AMPH: variants seen among roughly 807,000 people sequenced by gnomAD.
AMPH encodes amphiphysin (Stiff-Mann syndrome with breast cancer 128kD autoantigen).
A neutral mutation model predicts 99.1 loss-of-function variants in AMPH; 49 were observed. That is an observed-to-expected ratio of 0.49 (90% confidence interval 0.39 to 0.63). AMPH has a LOEUF of 0.63. AMPH is among the 20% of genes least tolerant of loss of function. The pLI is 0.00. For synonymous variants in AMPH, 314 were observed against 317.3 expected, an observed-to-expected ratio of 0.99 and a Z score of 0.11; for missense variants, 759 against 863.4, an observed-to-expected ratio of 0.88 and a Z score of 1.52.
At chr7:38,501,202 C>CT (rs140284419) in intron 3 of AMPH, among the ~76,000 whole-genome samples, 3,413 of 152,102 alleles carry the variant, frequency 0.022, 139 homozygotes, top group African/African-American at 0.077. Context: ...TTTTCTTTTC[C>CT]TTTTTTTGAA....
intron 17 of AMPH, among the ~76,000 whole-genome samples, chr7:38,415,077 A>G (rs377272081): frequency 6.6e-5 from 10 of 152,360 alleles, no homozygotes; most frequent in African/African-American, 2.2e-4. Flanking sequence ...ACATACCAGT[A>G]AAATTTGATG....
chr7:38,552,864 A>C (rs1203994653), intron 1 of AMPH, among the ~76,000 whole-genome samples: 1 of 152,148 alleles, frequency 6.6e-6, no homozygotes, highest in Non-Finnish European at 1.5e-5. Flanking sequence ...AATTAAATAA[A>C]ACTATCTGTG....
chr7:38,486,253 G>T (rs1398910798), intron 5 of AMPH, among the ~76,000 whole-genome samples: 2 of 150,130 alleles, frequency 1.3e-5, no homozygotes, highest in Admixed American at 1.3e-4. Flanking sequence ...AATGAAAGGT[G>T]ATATATTACA....
At chr7:38,538,786 C>T (rs981907636) in intron 1 of AMPH, among the ~76,000 whole-genome samples, 1 of 152,166 alleles carries the variant, frequency 6.6e-6, no homozygotes, top group Non-Finnish European at 1.5e-5. Context: ...TGAAGGATGA[C>T]CTCAGATTTC....
At chr7:38,615,867 C>T (rs752597286) in intron 1 of AMPH, among the ~76,000 whole-genome samples, 2 of 152,156 alleles carry the variant, frequency 1.3e-5, no homozygotes, top group Non-Finnish European at 2.9e-5. Flanking sequence ...GGGATCAGAG[C>T]CCAATGTCAG....
intron 1 of AMPH, among the ~76,000 whole-genome samples, chr7:38,598,665 G>A (rs1293113685): frequency 6.6e-6 from 1 of 152,020 alleles, no homozygotes; most frequent in African/African-American, 2.4e-5. Context: ...TATTTTATAG[G>A]TTTATCAGCC....
chr7:38,422,149 A>C (rs527285380), intron 16 of AMPH, among the ~76,000 whole-genome samples: 1 of 152,242 alleles, frequency 6.6e-6, no homozygotes, highest in South Asian at 2.1e-4. Context: ...ATGGAAATAT[A>C]CATGTCTTTA....
intron 3 of AMPH, among the ~76,000 whole-genome samples, chr7:38,500,858 A>C (rs1247344903): frequency 2.0e-5 from 3 of 152,196 alleles, no homozygotes; most frequent in Non-Finnish European, 1.5e-5. Context: ...ACTTCTTTGC[A>C]AATGTAAAAT....
At chr7:38,522,062 G>T (rs1411768976) in intron 2 of AMPH, among the ~76,000 whole-genome samples, 9 of 152,118 alleles carry the variant, frequency 5.9e-5, no homozygotes, top group Admixed American at 4.6e-4. Flanking sequence ...GGGATCTGTG[G>T]GGTCACTGCA....
At chr7:38,465,750 C>T (rs1316631108) in intron 8 of AMPH, among the ~76,000 whole-genome samples, 1 of 152,086 alleles carries the variant, frequency 6.6e-6, no homozygotes, top group Non-Finnish European at 1.5e-5. Context: ...CACGAGTAAA[C>T]TAAATATATA....
intron 17 of AMPH, among the ~76,000 whole-genome samples, chr7:38,398,779 T>G (rs571891755): frequency 2.0e-5 from 3 of 152,348 alleles, no homozygotes; most frequent in African/African-American, 7.2e-5. Flanking sequence ...GTCATATATC[T>G]GTATCAAAAT....
chr7:38,394,887 T>A (rs1784623570), intron 17 of AMPH, among the ~76,000 whole-genome samples: 1 of 152,228 alleles, frequency 6.6e-6, no homozygotes, highest in African/African-American at 2.4e-5. Context: ...AATTATTTCC[T>A]TCTTGCTTGC....
At chr7:38,418,381 C>A (rs1308271215) in intron 16 of AMPH, among the ~76,000 whole-genome samples, 1 of 152,014 alleles carries the variant, frequency 6.6e-6, no homozygotes, top group Non-Finnish European at 1.5e-5. Flanking sequence ...TCTAGGAGGA[C>A]CCACAATTAC....
chr7:38,623,770 C>T (rs1326322199), intron 1 of AMPH, among the ~76,000 whole-genome samples: 1 of 152,130 alleles, frequency 6.6e-6, no homozygotes, highest in East Asian at 1.9e-4. Flanking sequence ...AATATTTCTC[C>T]TTGAGAACAA....
intron 7 of AMPH, among the ~76,000 whole-genome samples, chr7:38,468,211 G>A (rs1393374446): frequency 6.6e-6 from 1 of 152,188 alleles, no homozygotes; most frequent in Non-Finnish European, 1.5e-5. Flanking sequence ...ATAGCCAAAA[G>A]TTAGCATCTC....
intron 1 of AMPH, among the ~76,000 whole-genome samples, chr7:38,580,952 G>A (rs1474600212): frequency 1.3e-5 from 2 of 151,984 alleles, no homozygotes; most frequent in African/African-American, 4.8e-5. Context: ...GTTTAGACTG[G>A]GTTAAGCCTA....
intron 1 of AMPH, among the ~76,000 whole-genome samples, chr7:38,537,934 C>T (rs1790675758): frequency 6.6e-6 from 1 of 152,076 alleles, no homozygotes; most frequent in Non-Finnish European, 1.5e-5. Flanking sequence ...GAAGAAAAGA[C>T]CCAAGGAAAA....
At chr7:38,464,260 A>T (rs1787566316) in intron 9 of AMPH, among the ~76,000 whole-genome samples, 1 of 152,140 alleles carries the variant, frequency 6.6e-6, no homozygotes, top group African/African-American at 2.4e-5. Flanking sequence ...CATGCACTTC[A>T]TTTTTAAAAC....
intron 3 of AMPH, among the ~76,000 whole-genome samples, chr7:38,499,508 G>A (rs2129024879): frequency 6.6e-6 from 1 of 152,168 alleles, no homozygotes. Context: ...AATAGATGAG[G>A]AACCCAAAGC....
Sources: gnomAD v4.1 joint callset for allele counts (sites outside exome capture counted in the v4.1 genomes callset) on GRCh38, gnomAD v4.1.1 for gene constraint, MANE v1.5 for transcripts, NCBI Gene and HGNC (gene_info 2026-07-23, HGNC 2026-07-21) for gene names.